The following PON1 variants were observed in gnomAD, a reference collection of about 807,000 sequenced individuals.
PON1 encodes paraoxonase 1.
Under a neutral mutation model 39.2 loss-of-function variants are expected in PON1, and 37 were observed. The ratio of observed to expected loss-of-function variants is 0.94; its 90% CI spans 0.73 to 1.24. PON1 has a LOEUF of 1.24. Among genes scored for constraint, PON1 ranks in the 50% most tolerant of loss-of-function variants. The pLI, the probability that PON1 is intolerant of heterozygous loss-of-function variation, is 0.00. For synonymous variants in PON1, 148 were observed against 152.2 expected (o/e 0.97, Z 0.21); for missense variants, 397 against 413.5 (o/e 0.96, Z 0.35).
intron 1 of PON1, among the ~76,000 whole-genome samples, chr7:95,321,363 TC>T (rs1410018427): frequency 6.6e-6 from 1 of 152,092 alleles, no homozygotes; most frequent in Non-Finnish European, 1.5e-5. Context: ...AAAGCAGAGA[TC>T]TTTGCCTAGG....
intron 1 of PON1, among the ~76,000 whole-genome samples, chr7:95,319,365 T>C (rs1807846534): frequency 6.6e-6 from 1 of 152,166 alleles, no homozygotes; most frequent in Non-Finnish European, 1.5e-5. Context: ...GATTGATCTT[T>C]CATTTATTCA....
intron 2 of PON1, among the ~76,000 whole-genome samples, chr7:95,317,090 C>T (rs1807784691): frequency 6.6e-6 from 1 of 152,016 alleles, no homozygotes; most frequent in Non-Finnish European, 1.5e-5. Context: ...ATTCACAAAA[C>T]GTACAAAAGC....
intron 7 of PON1, among the ~76,000 whole-genome samples, chr7:95,305,156 T>C (rs1056171013): frequency 6.6e-6 from 1 of 152,226 alleles, no homozygotes; most frequent in African/African-American, 2.4e-5. Flanking sequence ...AGGCCCCTCA[T>C]GACAGTCTCT....
At chr7:95,312,158 G>A (rs1807669946) in intron 4 of PON1, among the ~76,000 whole-genome samples, 1 of 152,148 alleles carries the variant, frequency 6.6e-6, no homozygotes, top group African/African-American at 2.4e-5. Flanking sequence ...TAGGTCTTTT[G>A]AAACCTCTGA....
intron 7 of PON1, among the ~76,000 whole-genome samples, chr7:95,305,980 C>T (rs1371419398): frequency 6.6e-6 from 1 of 151,844 alleles, no homozygotes; most frequent in Non-Finnish European, 1.5e-5. Context: ...AGAGGGAGAT[C>T]AGAAGAAAGG....
At position 95,307,765 on chromosome 7, in the gene PON1, C is replaced by T. The variant is rs190629691; in HGVS notation, c.698+246G>A. 2.0e-5 allele frequency among the ~76,000 whole-genome samples: 3 copies of T among 152,286 alleles called. No individual in the cohort carries two copies. The East Asian group carries it at 5.8e-4, about 29-fold the overall frequency. The stretch of plus-strand genomic sequence containing the variant: ...CTATTCAGACATATCAAATCTTCAT[C>T]ACAGTTCCCCCTCTTAAAATGTACT... On this transcript the variant is annotated intron_variant, in intron 6 of 8. Coordinates refer to ENST00000222381, the MANE Select transcript of PON1 (RefSeq NM_000446.7).
At chr7:95,306,409 C>G (rs1381092905) in intron 6 of PON1, 43 bp from the exon 7 acceptor site, 1 of 1,341,800 alleles carries the variant, frequency 7.5e-7, no homozygotes, top group Admixed American at 1.7e-5. Context: ...AGAAGTAACA[C>G]AACTTGAGAG....
intron 7 of PON1, among the ~76,000 whole-genome samples, chr7:95,306,029 T>G (rs1221404091): frequency 6.6e-6 from 1 of 152,078 alleles, no homozygotes; most frequent in Non-Finnish European, 1.5e-5. Context: ...GGGAACACAA[T>G]GCCAAGCTTA....
chr7:95,302,429 G>A, intron 7 of PON1, 96 bp from the exon 8 acceptor site: 1 of 1,059,224 alleles, frequency 9.4e-7, no homozygotes, highest in Admixed American at 1.9e-5. Flanking sequence ...TCTTGTCCTT[G>A]GTCACCACGC....
At chr7:95,321,962 G>C (rs895053806) in intron 1 of PON1, among the ~76,000 whole-genome samples, 1 of 152,142 alleles carries the variant, frequency 6.6e-6, no homozygotes, top group South Asian at 2.1e-4. Context: ...TAAAATTGGT[G>C]AGTGAATACT....
chr7:95,310,314 T>G (rs1807626673), intron 5 of PON1, among the ~76,000 whole-genome samples: 1 of 152,212 alleles, frequency 6.6e-6, no homozygotes, highest in African/African-American at 2.4e-5. Context: ...GAAAGCTCAT[T>G]TATTAGTGTT....
intron 2 of PON1, 133 bp downstream of exon 2, chr7:95,318,190 A>G (rs1354349751): frequency 5.5e-6 from 4 of 724,768 alleles, no homozygotes; most frequent in South Asian, 4.5e-5. Context: ...CATGGTATTT[A>G]TCATTAACTA....
At chr7:95,315,629 GT>G in intron 3 of PON1, 139 bp from the exon 4 acceptor site, 1 of 867,926 alleles carries the variant, frequency 1.2e-6, no homozygotes, top group Non-Finnish European at 1.9e-6. Context: ...AAGCCTCTTA[GT>G]TAGCTTCTGT....
At chr7:95,302,459 A>C in intron 7 of PON1, 126 bp from the exon 8 acceptor site, 1 of 774,492 alleles carries the variant, frequency 1.3e-6, no homozygotes, top group Non-Finnish European at 2.1e-6. Context: ...CAAGGATACA[A>C]TTCTGCCCCA....
Position 95,303,027 on chromosome 7 carries a change from C to T in PON1, c.781-694G>A, listed in dbSNP as rs549077411. Among the ~76,000 whole-genome samples the T allele has an allele frequency of 1.8e-4, 28 of 152,322 alleles. No homozygotes were observed. In the South Asian group the frequency reaches 5.0e-3, roughly 27 times the overall value. On this transcript the variant is annotated intron_variant, in intron 7 of 8. Coordinates refer to ENST00000222381, the MANE Select transcript of PON1 (RefSeq NM_000446.7). ...CACCATTCATCATCTTGGCTGCCTT[C>T]TACTGGGGAGAAATCCCATCTATTT...
intron 5 of PON1, 148 bp downstream of exon 5, chr7:95,311,303 G>A (rs1448721314): frequency 2.1e-6 from 2 of 954,148 alleles, no homozygotes; most frequent in Non-Finnish European, 3.2e-6. Context: ...TCCTCAGAAG[G>A]TTCTTCAGAA....
chr7:95,297,736 G>A lies in PON1; in HGVS notation c.*1208C>T, dbSNP rs532326366. The A allele has an allele frequency of 6.6e-6, 1 of 152,278 alleles. No individual in the cohort carries two copies. The highest frequency in any genetic ancestry group is 6.5e-5 in the Admixed American group (1 of 15,300). 9.4% of individuals were successfully genotyped at this position (152,278 alleles called of 1,614,324 possible). On this transcript the variant is annotated 3_prime_UTR_variant, in exon 9 of 9. Transcript: ENST00000222381. ...GAACCTCGGAGGTAGAAGTTGCAGT[G>A]AGCCAAGATCGCACCACTGCACTCC...
rs1807349869 is a variant in PON1 at position 95,298,843 on chromosome 7, G to T, written c.*101C>A. ...ATGCTTCATGATGTCCACATTTAGG[G>T]TCAGCATTCATTGTTCAGCTAAGAA... On this transcript the variant is annotated 3_prime_UTR_variant, in exon 9 of 9. Transcript: ENST00000222381. 2.8e-6 allele frequency: 4 copies of T among 1,410,788 alleles called. No homozygotes were observed. Among genetic ancestry groups the T allele is most frequent in the Admixed American group, 1.7e-5 (1 of 58,468 alleles). The allele number at this position is 1,410,788 out of a possible 1,614,324, so 87.4% of individuals were successfully genotyped here. A position where few individuals can be genotyped will look rare whatever the true frequency, so the allele number is the denominator to read the frequency against.
chr7:95,324,524 G>A lies in PON1; in HGVS notation c.-49C>T. On this transcript the variant is annotated 5_prime_UTR_variant, in exon 1 of 9. Coordinates refer to ENST00000222381, the MANE Select transcript of PON1 (RefSeq NM_000446.7). ...GATGGGCGCAGACACCGACGGGCTA[G>A]GAGGCTCTGCCTGCCTGCAGCCGCA... 1 of 1,569,870 alleles carries A rather than the reference G, an allele frequency of 6.4e-7. No homozygotes were observed. The highest frequency in any genetic ancestry group is 1.1e-5 in the South Asian group (1 of 89,008).
Sources: gnomAD v4.1 joint callset for allele counts (sites outside exome capture counted in the v4.1 genomes callset) on GRCh38, gnomAD v4.1.1 for gene constraint, MANE v1.5 for transcripts, NCBI Gene and HGNC (gene_info 2026-07-23, HGNC 2026-07-21) for gene names.